The following MCC variants were observed in gnomAD, a reference collection of about 807,000 sequenced individuals.
MCC encodes colorectal mutant cancer protein.
A neutral mutation model predicts 116.2 loss-of-function variants in MCC; 90 were observed. The ratio of observed to expected loss-of-function variants is 0.77; its 90% CI spans 0.65 to 0.92. MCC has a LOEUF of 0.92. Among genes scored for constraint, MCC ranks in the 40% least tolerant of loss-of-function variants. MCC has a pLI of 0.00. For synonymous variants in MCC, 578 were observed against 510.5 expected (o/e 1.13, Z -1.78); for missense variants, 1,516 against 1,312.2 (o/e 1.16, Z -2.40).
At chr5:113,445,065 A>T (rs1208421162) in intron 1 of MCC, among the ~76,000 whole-genome samples, 1 of 152,222 alleles carries the variant, frequency 6.6e-6, no homozygotes, top group African/African-American at 2.4e-5. Context: ...ACCCAGATAC[A>T]GCCCAGACAC....
chr5:113,219,965 A>G (rs1266373169), intron 3 of MCC, among the ~76,000 whole-genome samples: 1 of 151,586 alleles, frequency 6.6e-6, no homozygotes, highest in Non-Finnish European at 1.5e-5. Flanking sequence ...TAGATAGTAT[A>G]CATCCTCCGG....
intron 1 of MCC, among the ~76,000 whole-genome samples, chr5:113,386,754 CATATATAT>C (rs10673164): frequency 7.1e-6 from 1 of 141,082 alleles, no homozygotes; most frequent in African/African-American, 2.7e-5. Flanking sequence ...ATATGTATAT[CATATATAT>C]ATATATATAT....
chr5:113,472,040 G>T (rs933668903), intron 1 of MCC, among the ~76,000 whole-genome samples: 1 of 152,106 alleles, frequency 6.6e-6, no homozygotes, highest in African/African-American at 2.4e-5. Flanking sequence ...GGAGTGACCC[G>T]ATTTTCCAGG....
chr5:113,293,872 C>G (rs1329345108), intron 3 of MCC, among the ~76,000 whole-genome samples: 1 of 152,142 alleles, frequency 6.6e-6, no homozygotes, highest in Admixed American at 6.6e-5. Context: ...ACGCATCGCA[C>G]GTGGGAGCCA....
chr5:113,285,597 T>C (rs1766222167), intron 3 of MCC, among the ~76,000 whole-genome samples: 1 of 152,106 alleles, frequency 6.6e-6, no homozygotes, highest in African/African-American at 2.4e-5. Flanking sequence ...GCCCTCACTC[T>C]TCCTTTCTGC....
chr5:113,201,547 C>T (rs1417821202), intron 3 of MCC, among the ~76,000 whole-genome samples: 2 of 152,130 alleles, frequency 1.3e-5, no homozygotes, highest in African/African-American at 4.8e-5. Context: ...TGCTTTTCTC[C>T]CCAGCTATAG....
At chr5:113,331,718 C>G (rs1381887885) in intron 3 of MCC, among the ~76,000 whole-genome samples, 2 of 151,504 alleles carry the variant, frequency 1.3e-5, no homozygotes, top group East Asian at 3.8e-4. Context: ...TCACTGCAAC[C>G]TCTGCCTCCT....
At chr5:113,240,578 T>C (rs1250782957) in intron 3 of MCC, among the ~76,000 whole-genome samples, 3 of 152,252 alleles carry the variant, frequency 2.0e-5, no homozygotes, top group Admixed American at 1.3e-4. Flanking sequence ...ATACGTCTTC[T>C]TTAATACATC....
At chr5:113,082,021 T>C (rs565475096) in intron 11 of MCC, among the ~76,000 whole-genome samples, 1 of 152,318 alleles carries the variant, frequency 6.6e-6, no homozygotes, top group South Asian at 2.1e-4. Context: ...GACTCAACAG[T>C]CCATTCTGCC....
intron 2 of MCC, among the ~76,000 whole-genome samples, chr5:113,361,351 GTTT>G (rs965086895): frequency 3.3e-5 from 5 of 150,472 alleles, no homozygotes; most frequent in Non-Finnish European, 7.4e-5. Context: ...ATTCTTTTCT[GTTT>G]TGTTTTGCTG....
At chr5:113,108,964 A>G (rs1201796471) in intron 6 of MCC, among the ~76,000 whole-genome samples, 3 of 152,162 alleles carry the variant, frequency 2.0e-5, no homozygotes, top group Non-Finnish European at 4.4e-5. Flanking sequence ...GGAGCCTCAC[A>G]GGAGGACGAG....
At chr5:113,148,996 C>A (rs540880024) in intron 4 of MCC, among the ~76,000 whole-genome samples, 133 of 152,266 alleles carry the variant, frequency 8.7e-4, no homozygotes, top group Admixed American at 4.0e-3. Flanking sequence ...CTCTTACCAT[C>A]CTCTGTAAAA....
At chr5:113,223,434 T>C (rs1401423990) in intron 3 of MCC, among the ~76,000 whole-genome samples, 1 of 152,144 alleles carries the variant, frequency 6.6e-6, no homozygotes, top group Non-Finnish European at 1.5e-5. Context: ...TCTCAACATA[T>C]TCTGGCCCTG....
rs760529123 is a variant in MCC, at chr5:113,022,371, CAA to C, written c.*4929_*4930del. ...AACAGTAGAACAATACTGACAAATG[CAA>C]ACTTAGTCACATGTGCTTTAATAAC... On this transcript the variant is annotated 3_prime_UTR_variant, in exon 19 of 19. Coordinates refer to ENST00000408903, the MANE Select transcript of MCC (RefSeq NM_001085377.2). 1 of 152,562 alleles carries C rather than the reference CAA, an allele frequency of 6.6e-6. No homozygotes were observed. The highest frequency in any genetic ancestry group is 2.4e-5 in the African/African-American group (1 of 41,432). 9.5% of individuals were successfully genotyped at this position (152,562 alleles called of 1,614,324 possible). A position where few individuals can be genotyped will look rare whatever the true frequency, so the allele number is the denominator to read the frequency against.
chr5:113,109,884 C>T (rs1756987805), intron 6 of MCC, among the ~76,000 whole-genome samples: 1 of 152,172 alleles, frequency 6.6e-6, no homozygotes, highest in African/African-American at 2.4e-5. Flanking sequence ...TTTAGAAAAA[C>T]CCTGGCCCCC....
At chr5:113,312,149 C>T (rs898208417) in intron 3 of MCC, among the ~76,000 whole-genome samples, 6 of 151,956 alleles carry the variant, frequency 3.9e-5, no homozygotes, top group African/African-American at 9.7e-5. Flanking sequence ...TGGTAGCATA[C>T]ACCTGTGGTC....
At chr5:113,329,599 G>T (rs1024993392) in intron 3 of MCC, among the ~76,000 whole-genome samples, 1 of 152,016 alleles carries the variant, frequency 6.6e-6, no homozygotes, top group East Asian at 1.9e-4. Context: ...AGTTTCAGAG[G>T]ATTATCTCTT....
At chr5:113,035,870 C>CCACAATGTT (rs1751295761) in intron 17 of MCC, among the ~76,000 whole-genome samples, 1 of 152,138 alleles carries the variant, frequency 6.6e-6, no homozygotes, top group Non-Finnish European at 1.5e-5. Context: ...ATGGTAATCA[C>CCACAATGTT]CACAATGTTT....
rs150020872 is a variant in MCC, at chr5:113,328,978, T to C, written c.627+11541A>G. Among the ~76,000 whole-genome samples the C allele has an allele frequency of 2.4e-4, 36 of 152,234 alleles. No homozygotes were observed. In the East Asian group the frequency reaches 6.9e-3, roughly 29 times the overall value. ...CCTCCTTCCCTTGGGGGCACATAAA[T>C]GAGTAGCTACAAACTCAAGCTGTGG... On this transcript the variant is annotated intron_variant, in intron 3 of 18. Coordinates refer to ENST00000408903, the MANE Select transcript of MCC (RefSeq NM_001085377.2).
Sources: gnomAD v4.1 joint callset for allele counts (sites outside exome capture counted in the v4.1 genomes callset) on GRCh38, gnomAD v4.1.1 for gene constraint, MANE v1.5 for transcripts, NCBI Gene and HGNC (gene_info 2026-07-23, HGNC 2026-07-21) for gene names.